GLT1D1: variants seen among roughly 807,000 people sequenced by gnomAD.
GLT1D1 encodes the protein glycosyltransferase 1 domain containing 1.
In GLT1D1, 21 loss-of-function variants were observed where a neutral mutation model predicts 28.7. That is an observed-to-expected ratio of 0.73 (90% confidence interval 0.52 to 1.05). The LOEUF (loss-of-function observed/expected upper bound fraction) is 1.05, where lower values mean the gene tolerates loss of function less well. Among genes scored for constraint, GLT1D1 ranks in the 50% least tolerant of loss-of-function variants. The pLI is 0.00. For missense variants in GLT1D1, 343 were observed against 330.6 expected (o/e 1.04, Z -0.29); for synonymous variants, 147 against 124.8 (o/e 1.18, Z -1.19).
At chr12:128,973,059 CA>C (rs753910633) in intron 7 of GLT1D1, among the ~76,000 whole-genome samples, 14 of 152,048 alleles carry the variant, frequency 9.2e-5, no homozygotes, top group Non-Finnish European at 2.1e-4. Context: ...TCCTCTCCTG[CA>C]GCCTGCCAGC....
chr12:128,930,023 C>T (rs1293504180), intron 4 of GLT1D1, among the ~76,000 whole-genome samples: 1 of 152,078 alleles, frequency 6.6e-6, no homozygotes, highest in Non-Finnish European at 1.5e-5. Context: ...TCTGTGTGAC[C>T]ACATTGAATA....
intron 7 of GLT1D1, among the ~76,000 whole-genome samples, chr12:128,976,575 C>T (rs1264632965): frequency 2.0e-5 from 3 of 152,202 alleles, no homozygotes; most frequent in Non-Finnish European, 2.9e-5. Flanking sequence ...AGAGGAGCTT[C>T]GGGGCTGTTT....
intron 1 of GLT1D1, among the ~76,000 whole-genome samples, chr12:128,867,150 T>C (rs914417604): frequency 2.7e-5 from 4 of 150,606 alleles, no homozygotes; most frequent in Non-Finnish European, 5.9e-5. Context: ...TCCCAGCACT[T>C]TGGGAGGCCG....
At chr12:128,974,778 GGTCC>G (rs1879603862) in intron 7 of GLT1D1, among the ~76,000 whole-genome samples, 1 of 152,204 alleles carries the variant, frequency 6.6e-6, no homozygotes, top group African/African-American at 2.4e-5. Context: ...AAATCCCCCA[GGTCC>G]TGAATTCTGA....
intron 1 of GLT1D1, among the ~76,000 whole-genome samples, chr12:128,874,124 C>CTCTTTCTTTCTTTCTTTCTT (rs756979442): frequency 1.8e-4 from 7 of 39,278 alleles, no homozygotes; most frequent in Non-Finnish European, 1.7e-4. Context: ...CTCTCTCTCT[C>CTCTTTCTTTCTTTCTTTCTT]TCTTTCTTTC....
At position 128,938,877 on chromosome 12, in the gene GLT1D1, C is replaced by T. The variant is rs939866039; in HGVS notation, c.376-6449C>T. Among the ~76,000 whole-genome samples, 7 of 152,186 alleles carry T rather than the reference C, an allele frequency of 4.6e-5. No homozygotes were observed. The South Asian group carries it at 8.3e-4, about 18-fold the overall frequency. ...AGTATTTTAAAATTCTATTCATTGT[C>T]GATAAGACCAGGAGAGGCATGGGTG... On this transcript the variant is annotated intron_variant, in intron 4 of 7. Transcript: ENST00000281703.
intron 4 of GLT1D1, 87 bp from the exon 5 acceptor site, chr12:128,912,337 G>T: frequency 1.2e-6 from 1 of 806,666 alleles, no homozygotes; most frequent in Non-Finnish European, 1.9e-6. Flanking sequence ...GGCTTTTTTT[G>T]TTAATGACCT....
chr12:128,925,931 C>T (rs1485096525), intron 4 of GLT1D1, among the ~76,000 whole-genome samples: 1 of 152,162 alleles, frequency 6.6e-6, no homozygotes, highest in African/African-American at 2.4e-5. Context: ...TGGCTCACGC[C>T]TGTAATCCCA....
intron 7 of GLT1D1, among the ~76,000 whole-genome samples, chr12:128,975,625 G>GT (rs1324414134): frequency 4.6e-5 from 7 of 151,952 alleles, no homozygotes; most frequent in African/African-American, 1.7e-4. Context: ...TGATTTTTGT[G>GT]TTTTTTAGTA....
rs1414899144 is a variant in GLT1D1 at position 128,907,082 on chromosome 12, C to T, written c.375+7795C>T. On this transcript the variant is annotated intron_variant, in intron 4 of 7. Transcript: ENST00000281703. ...AGCTACTTATTACTTCTCCCTCTTC[C>T]TGCATGGCCCCATTGCTTTATGTCT... 7 of 649,138 alleles carry T rather than the reference C, an allele frequency of 1.1e-5. No homozygotes were observed. The East Asian group carries it at 1.9e-4, about 18-fold the overall frequency. 40.2% of individuals were successfully genotyped at this position (649,138 alleles called of 1,614,324 possible). A position where few individuals can be genotyped will look rare whatever the true frequency, so the allele number is the denominator to read the frequency against.
At chr12:128,872,695 GT>G (rs1956728084) in intron 1 of GLT1D1, among the ~76,000 whole-genome samples, 1 of 152,118 alleles carries the variant, frequency 6.6e-6, no homozygotes, top group Non-Finnish European at 1.5e-5. Flanking sequence ...CTCTTTGCAG[GT>G]TTTAATCAGA....
intron 6 of GLT1D1, among the ~76,000 whole-genome samples, chr12:128,955,876 G>T (rs1050463768): frequency 2.0e-5 from 3 of 151,832 alleles, no homozygotes; most frequent in Non-Finnish European, 4.4e-5. Flanking sequence ...CTGTGGAGTG[G>T]TGCTTTGGGA....
intron 4 of GLT1D1, among the ~76,000 whole-genome samples, chr12:128,939,164 G>A (rs1284873362): frequency 1.3e-5 from 2 of 152,060 alleles, no homozygotes; most frequent in Non-Finnish European, 2.9e-5. Context: ...GGAATCCAGG[G>A]GTTCCTTTCA....
chr12:128,972,505 GCTC>G (rs36002923), intron 7 of GLT1D1, among the ~76,000 whole-genome samples: 17,573 of 152,230 alleles, frequency 0.12, 1,247 homozygotes, highest in Non-Finnish European at 0.16. Flanking sequence ...GTGACTGGGT[GCTC>G]CTCCTTTCAC....
At chr12:128,874,028 C>T (rs1329254087) in intron 1 of GLT1D1, among the ~76,000 whole-genome samples, 1 of 79,804 alleles carries the variant, frequency 1.3e-5, no homozygotes, top group Non-Finnish European at 2.3e-5. Flanking sequence ...CCCCTTCCTC[C>T]CTCCCTCCCT....
intron 4 of GLT1D1, among the ~76,000 whole-genome samples, chr12:128,933,148 TG>T (rs10712637): frequency 0.25 from 38,720 of 152,094 alleles, 5,474 homozygotes; most frequent in African/African-American, 0.36. Flanking sequence ...TTTTAGGACG[TG>T]GGGAAGCCCT....
intron 1 of GLT1D1, among the ~76,000 whole-genome samples, chr12:128,860,101 G>C (rs1004151563): frequency 6.6e-6 from 1 of 152,196 alleles, no homozygotes; most frequent in Non-Finnish European, 1.5e-5. Context: ...CTACACTCTA[G>C]AGATGTCTCC....
intron 4 of GLT1D1, among the ~76,000 whole-genome samples, chr12:128,899,842 G>A (rs937183212): frequency 6.6e-6 from 1 of 152,058 alleles, no homozygotes; most frequent in African/African-American, 2.4e-5. Context: ...ATGAGCCACC[G>A]AACCTGGCCC....
rs145605197 is a variant in GLT1D1, at chr12:128,983,007, G to T, written c.718G>T (p.Val240Leu). 2.0e-5 allele frequency: 33 copies of T among 1,613,664 alleles called. No homozygotes were observed. The African/African-American group carries it at 4.3e-4, about 21-fold the overall frequency. ...AATCGTAGTGAACGGAAGGGAATAC[G>T]TGAGAATGTATCATTCATGGCAGGT... The change falls in exon 8 of 8, where the codon GTG (valine) becomes TTG (leucine). Residue 240 changes from valine to leucine, a missense_variant. Transcript: ENST00000281703. The surrounding 1 kb of genome is among the most constrained non-coding windows in gnomAD (Gnocchi z 4.7).
Sources: allele counts gnomAD v4.1 joint callset (sites outside exome capture counted in the v4.1 genomes callset), GRCh38; gene constraint gnomAD v4.1.1; non-coding constraint Gnocchi (gnomAD v3.1); transcripts MANE v1.5; gene names NCBI Gene and HGNC (gene_info 2026-07-23, HGNC 2026-07-21).